PRKG1: variants seen among roughly 807,000 people sequenced by gnomAD.
PRKG1 encodes protein kinase cGMP-dependent 1.
A neutral mutation model predicts 88.1 loss-of-function variants in PRKG1; 35 were observed. The observed-to-expected ratio is 0.40, with a 90% CI of 0.30 to 0.53. PRKG1 has a LOEUF of 0.53. Ranked by LOEUF, PRKG1 falls within the 20% of genes least tolerant of loss-of-function variation. The pLI is 0.59. For missense variants in PRKG1, 540 were observed against 839.8 expected, an observed-to-expected ratio of 0.64 and a Z score of 4.41; for synonymous variants, 303 against 292.5, an observed-to-expected ratio of 1.04 and a Z score of -0.37.
At chr10:51,339,511 T>C (rs1841954895) in intron 2 of PRKG1, among the ~76,000 whole-genome samples, 1 of 151,898 alleles carries the variant, frequency 6.6e-6, no homozygotes, top group African/African-American at 2.4e-5. Context: ...TATACATATA[T>C]ATACATTCAC....
At chr10:52,079,271 A>G (rs1204880168) in intron 7 of PRKG1, among the ~76,000 whole-genome samples, 1 of 152,030 alleles carries the variant, frequency 6.6e-6, no homozygotes, top group Admixed American at 6.6e-5. Context: ...CCTGTAGTTC[A>G]TTCTATTAGA....
chr10:51,831,376 GA>G (rs111750158), intron 4 of PRKG1, among the ~76,000 whole-genome samples: 6 of 148,440 alleles, frequency 4.0e-5, no homozygotes, highest in African/African-American at 1.2e-4. Context: ...GCTAACCCCA[GA>G]AAAAAAAAAT....
At chr10:52,012,665 G>C (rs1844922627) in intron 5 of PRKG1, among the ~76,000 whole-genome samples, 1 of 152,152 alleles carries the variant, frequency 6.6e-6, no homozygotes, top group East Asian at 1.9e-4. Context: ...GGGATTACAG[G>C]CATCTGGCTT....
intron 14 of PRKG1, among the ~76,000 whole-genome samples, chr10:52,285,338 A>G (rs961614589): frequency 1.3e-5 from 2 of 152,206 alleles, no homozygotes; most frequent in African/African-American, 4.8e-5. Context: ...ACATTATTGG[A>G]GGAGAATTCT....
chr10:51,766,231 G>A (rs1480987816), intron 3 of PRKG1, among the ~76,000 whole-genome samples: 4 of 152,078 alleles, frequency 2.6e-5, no homozygotes, highest in African/African-American at 4.8e-5. Flanking sequence ...TAAATACGAC[G>A]CTTTTATAAA....
At chr10:52,114,557 A>ACTATATATATATACAT (rs1554805858) in intron 7 of PRKG1, among the ~76,000 whole-genome samples, 5 of 150,050 alleles carry the variant, frequency 3.3e-5, no homozygotes, top group African/African-American at 1.2e-4. Flanking sequence ...TAATATGCTG[A>ACTATATATATATACAT]ATATATATAT....
intron 3 of PRKG1, among the ~76,000 whole-genome samples, chr10:51,485,985 A>G (rs1840524332): frequency 6.6e-6 from 1 of 152,178 alleles, no homozygotes; most frequent in Non-Finnish European, 1.5e-5. Context: ...TTCATTTTAT[A>G]AAGATGTTCG....
intron 7 of PRKG1, among the ~76,000 whole-genome samples, chr10:52,098,550 C>A (rs1015675093): frequency 1.3e-5 from 2 of 152,258 alleles, no homozygotes; most frequent in South Asian, 2.1e-4. Flanking sequence ...GTGGCTCACG[C>A]CTGTAATCCC....
At chr10:51,313,070 A>AGT (rs34130710) in intron 2 of PRKG1, among the ~76,000 whole-genome samples, 48,365 of 145,718 alleles carry the variant, frequency 0.33, 7,738 homozygotes, top group Middle Eastern at 0.39. Flanking sequence ...ATTAAGTTGC[A>AGT]GTGTGTGTGT....
chr10:52,265,356 G>A (rs1378130136), intron 10 of PRKG1, among the ~76,000 whole-genome samples: 1 of 152,102 alleles, frequency 6.6e-6, no homozygotes, highest in Non-Finnish European at 1.5e-5. Context: ...AATGAGTCAT[G>A]TGACATTGAC....
intron 3 of PRKG1, among the ~76,000 whole-genome samples, chr10:51,632,920 T>G (rs907003735): frequency 6.6e-6 from 1 of 152,234 alleles, no homozygotes; most frequent in Non-Finnish European, 1.5e-5. Flanking sequence ...CTTTGAGCCC[T>G]TAGTATTTTC....
chr10:52,069,788 A>T (rs1846450347), intron 7 of PRKG1, among the ~76,000 whole-genome samples: 2 of 151,914 alleles, frequency 1.3e-5, no homozygotes, highest in Admixed American at 6.6e-5. Flanking sequence ...TATTGTGTAT[A>T]TATGTATTCA....
intron 3 of PRKG1, among the ~76,000 whole-genome samples, chr10:51,762,016 T>C (rs563141666): frequency 3.3e-5 from 5 of 152,216 alleles, no homozygotes; most frequent in African/African-American, 1.2e-4. Flanking sequence ...TAAACTTTGA[T>C]TATTAAATTA....
intron 1 of PRKG1, among the ~76,000 whole-genome samples, chr10:51,134,445 T>C (rs1343304726): frequency 3.3e-5 from 5 of 152,174 alleles, no homozygotes; most frequent in Non-Finnish European, 7.4e-5. Flanking sequence ...TTTTACTTCT[T>C]TGAAAAATGT....
chr10:51,260,046 A>G (rs1276003247), intron 2 of PRKG1, among the ~76,000 whole-genome samples: 1 of 152,118 alleles, frequency 6.6e-6, no homozygotes, highest in African/African-American at 2.4e-5. Flanking sequence ...ATATGCATAC[A>G]CTCACATGTG....
intron 3 of PRKG1, among the ~76,000 whole-genome samples, chr10:51,712,869 G>A (rs1390775343): frequency 6.6e-6 from 1 of 151,838 alleles, no homozygotes; most frequent in Non-Finnish European, 1.5e-5. Flanking sequence ...CCTCACATAA[G>A]ACAGCCATGT....
intron 7 of PRKG1, among the ~76,000 whole-genome samples, chr10:52,108,858 G>A (rs187631110): frequency 1.3e-4 from 17 of 127,598 alleles, no homozygotes; most frequent in East Asian, 1.2e-3. Context: ...ATGGAGTGTC[G>A]CTCTGTCGCC....
chr10:51,803,805 T>G (rs529852351), intron 3 of PRKG1, among the ~76,000 whole-genome samples: 78 of 152,168 alleles, frequency 5.1e-4, no homozygotes, highest in Non-Finnish European at 7.8e-4. Context: ...ATAAGAAATC[T>G]CTCATATGCC....
At chr10:51,024,932 G>A (rs1346824127) in intron 1 of PRKG1, among the ~76,000 whole-genome samples, 2 of 152,100 alleles carry the variant, frequency 1.3e-5, no homozygotes, top group African/African-American at 2.4e-5. Context: ...TTTGGGCAGG[G>A]GACACAGACC....
Sources: allele counts gnomAD v4.1 joint callset (sites outside exome capture counted in the v4.1 genomes callset), GRCh38; gene constraint gnomAD v4.1.1; transcripts MANE v1.5; gene names NCBI Gene and HGNC (gene_info 2026-07-23, HGNC 2026-07-21).